POMT2: variants seen among roughly 807,000 people sequenced by gnomAD.
POMT2 encodes protein O-mannosyl-transferase 2.
In POMT2, 75 loss-of-function variants were observed where a neutral mutation model predicts 100.0. The ratio of observed to expected loss-of-function variants is 0.75; its 90% CI spans 0.62 to 0.91. The LOEUF is 0.91. POMT2 is among the 40% of genes least tolerant of loss of function. POMT2 has a pLI of 0.00. For synonymous variants in POMT2, 378 were observed against 374.1 expected, an observed-to-expected ratio of 1.01 and a Z score of -0.12; for missense variants, 940 against 955.1, an observed-to-expected ratio of 0.98 and a Z score of 0.21.
At chr14:77,307,316 CA>C (rs752666375) in intron 2 of POMT2, among the ~76,000 whole-genome samples, 5 of 152,202 alleles carry the variant, frequency 3.3e-5, no homozygotes, top group Non-Finnish European at 5.9e-5. Context: ...CTCCCAGCCA[CA>C]CTTGTGGGAC....
In POMT2 at chr14:77,285,614, T is replaced by C. The variant is rs1286416645; in HGVS notation, c.1351A>G (p.Asn451Asp). ...ACGACCTCAATCCGCCAGAAATCAT[T>C]TGAGTCCCCTGTTCCATTCTGCCAT... is the stretch of plus-strand genomic sequence containing the variant. ...GYGINGTGDS[N>D]DFWRIEVVNR... Residue 451 changes from asparagine (N) to aspartate (D), a missense_variant, in exon 13 of 21, where the codon AAT becomes GAT. Asn to Asp is a conservative substitution (Grantham distance 23). Coordinates refer to ENST00000261534, the MANE Select transcript of POMT2 (RefSeq NM_013382.7). 2 of 1,613,004 alleles carry C rather than the reference T, an allele frequency of 1.2e-6. No individual in the cohort carries two copies. Among genetic ancestry groups the C allele is most frequent in the South Asian group, 1.1e-5 (1 of 91,054 alleles).
chr14:77,308,587 C>T (rs1431578336), intron 2 of POMT2, among the ~76,000 whole-genome samples: 1 of 151,982 alleles, frequency 6.6e-6, no homozygotes, highest in African/African-American at 2.4e-5. Context: ...AACTCCTGAC[C>T]TCAGGTGATC....
At chr14:77,306,198 C>G in intron 3 of POMT2, 139 bp downstream of exon 3, 1 of 1,421,282 alleles carries the variant, frequency 7.0e-7, no homozygotes, top group East Asian at 2.6e-5. Flanking sequence ...AGGGGAGGGT[C>G]TGATCATCCT....
Position 77,277,023 on chromosome 14 carries a change from C to T in POMT2, c.*353G>A. The T allele has an allele frequency of 3.4e-6, 1 of 294,726 alleles. No individual in the cohort carries two copies. 18.3% of individuals were successfully genotyped at this position (294,726 alleles called of 1,614,324 possible). On this transcript the variant is annotated 3_prime_UTR_variant, in exon 21 of 21. Transcript: ENST00000261534. ...CTATTTTAGAGTTTATGACACTCAG[C>T]TGTCCAGTTACACGGTCTGTATTCC...
intron 9 of POMT2, among the ~76,000 whole-genome samples, chr14:77,294,817 T>C (rs775041179): frequency 2.0e-5 from 3 of 152,116 alleles, no homozygotes; most frequent in Admixed American, 1.3e-4. Context: ...CAGCATGAAA[T>C]TGCACTAATA....
rs778898705 is a variant in POMT2 at position 77,320,635 on chromosome 14, G to A, written c.47C>T (p.Pro16Leu). 1.3e-6 allele frequency: 2 copies of A among 1,592,770 alleles called. No homozygotes were observed. The highest frequency in any genetic ancestry group is 1.7e-6 in the Non-Finnish European group (2 of 1,177,484). ...GGGLAESELR[P>L]RRGRCGPQAA... The stretch of plus-strand genomic sequence containing the variant: ...CTGGGGGCCACAGCGGCCCCTCCGG[G>A]GACGCAGCTCGGACTCTGCCAGGCC... Residue 16 changes from proline to leucine, a missense_variant, in exon 1 of 21, where the codon CCC (proline) becomes CTC (leucine). Physicochemically the swap from Pro to Leu is moderately conservative, Grantham distance 98. Coordinates refer to ENST00000261534, the MANE Select transcript of POMT2 (RefSeq NM_013382.7).
At position 77,283,830 on chromosome 14, in the gene POMT2, C is replaced by T. The variant is rs886043258; in HGVS notation, c.1620G>A (p.Glu540=). 3 of 1,613,078 alleles carry T rather than the reference C, an allele frequency of 1.9e-6. No individual in the cohort carries two copies. The African/African-American group carries it at 4.0e-5, about 22-fold the overall frequency. Reference sequence around the variant, plus strand: ...TGACCATGTGGGATTCCAGCAAGATCTCAGGAAAACTGGGCTGTAGCACAT... The same window carrying T: ...TGACCATGTGGGATTCCAGCAAGATTTCAGGAAAACTGGGCTGTAGCACAT... ...SLDVLQPSFP[E]ILLESHMVMI... Residue 540 remains glutamate (E), a synonymous_variant, in exon 15 of 21, where the codon GAG becomes GAA. Coordinates refer to ENST00000261534, the MANE Select transcript of POMT2 (RefSeq NM_013382.7).
At chr14:77,288,902 T>A in intron 10 of POMT2, 71 bp from the exon 11 acceptor site, 1 of 1,278,444 alleles carries the variant, frequency 7.8e-7, no homozygotes. Flanking sequence ...GGCCTACTGG[T>A]AAACAGTTAT....
intron 2 of POMT2, 96 bp from the exon 3 acceptor site, chr14:77,306,537 G>C: frequency 1.4e-6 from 2 of 1,423,404 alleles, no homozygotes; most frequent in Non-Finnish European, 2.0e-6. Context: ...CAGACTTTGG[G>C]TTCCCTTGAC....
chr14:77,290,591 C>T (rs1890602371), intron 10 of POMT2, among the ~76,000 whole-genome samples: 1 of 152,150 alleles, frequency 6.6e-6, no homozygotes, highest in Admixed American at 6.5e-5. Context: ...ATGACAGGCT[C>T]GGAAGGTGAG....
chr14:77,278,871 T>G lies in POMT2; in HGVS notation c.1892-2A>C. ...CTCGAAGCAGGACCTGGGACAACCC[T>G]GGGCCCAAGCAGCACAGCCCAGTCA... On this transcript the variant is annotated splice_acceptor_variant, in intron 18 of 20. Transcript: ENST00000261534. LOFTEE classifies it high-confidence loss of function. The G allele has an allele frequency of 6.2e-7, 1 of 1,612,830 alleles. No homozygotes were observed. The highest frequency in any genetic ancestry group is 8.5e-7 in the Non-Finnish European group (1 of 1,179,592).
intron 14 of POMT2, chr14:77,284,146 G>C: frequency 4.3e-6 from 2 of 462,514 alleles, no homozygotes; most frequent in South Asian, 4.1e-5. Context: ...TTTTCACTGT[G>C]GTACTGGCTC....
chr14:77,304,727 G>A lies in POMT2; in HGVS notation c.512C>T (p.Ser171Leu), dbSNP rs750346960. The part of the protein sequence containing the change: ...LTVLDLSKSL[S>L]AALLTAALLT... Reference sequence around the variant, plus strand: ...GAGGGCAGCTGTGAGCAGTGCTGCCGAGAGGGACTTGGACAGATCCAGTAC... The same window carrying A: ...GAGGGCAGCTGTGAGCAGTGCTGCCAAGAGGGACTTGGACAGATCCAGTAC... Residue 171 changes from serine to leucine, a missense_variant, in exon 4 of 21, where the codon TCG becomes TTG. Physicochemically the swap from Ser to Leu is moderately radical, Grantham distance 145. Coordinates refer to ENST00000261534, the MANE Select transcript of POMT2 (RefSeq NM_013382.7). 5.9e-5 allele frequency: 94 copies of A among 1,598,424 alleles called. 3 individuals carry two copies. The highest frequency in any genetic ancestry group is 2.5e-4 in the South Asian group (22 of 87,372).
At position 77,277,373 on chromosome 14, in the gene POMT2, G is replaced by A; in HGVS notation, c.*3C>T. The A allele has an allele frequency of 6.2e-7, 1 of 1,606,804 alleles. No individual in the cohort carries two copies. The highest frequency in any genetic ancestry group is 1.1e-5 in the South Asian group (1 of 90,908). ...GACCCAGGCTGGAATCTTTGCAGTGGCCTCAAAAGTCCCATGAGTCCAGCC... is the reference window on the plus strand; with the variant it reads ...GACCCAGGCTGGAATCTTTGCAGTGACCTCAAAAGTCCCATGAGTCCAGCC... On this transcript the variant is annotated 3_prime_UTR_variant, in exon 21 of 21. Transcript: ENST00000261534.
At chr14:77,303,805 C>T (rs1167753858) in intron 4 of POMT2, among the ~76,000 whole-genome samples, 9 of 152,222 alleles carry the variant, frequency 5.9e-5, no homozygotes, top group African/African-American at 2.2e-4. Context: ...TAGGACATCA[C>T]ATGACAGACT....
At chr14:77,278,270 C>G in intron 20 of POMT2, 124 bp downstream of exon 20, 1 of 847,390 alleles carries the variant, frequency 1.2e-6, no homozygotes, top group Non-Finnish European at 1.9e-6. Context: ...GCTTGGGTGA[C>G]GCAGAACCTC....
intron 1 of POMT2, among the ~76,000 whole-genome samples, chr14:77,314,139 T>C (rs1454921494): frequency 6.6e-6 from 1 of 152,216 alleles, no homozygotes; most frequent in Non-Finnish European, 1.5e-5. Flanking sequence ...CTCCAGGCCT[T>C]GCAAGGTATG....
In POMT2 at chr14:77,280,388, CT is replaced by C; in HGVS notation, c.1725+3del. The C allele has an allele frequency of 6.2e-7, 1 of 1,614,158 alleles. No homozygotes were observed. Among genetic ancestry groups the C allele is most frequent in the South Asian group, 1.1e-5 (1 of 91,082 alleles). Reference sequence around the variant, plus strand: ...CTGGGAGGAGCCCCAGCCTTGGATCCTACCTGATAGTTGATAGGCCAGTGCC... The same window carrying C: ...CTGGGAGGAGCCCCAGCCTTGGATCCACCTGATAGTTGATAGGCCAGTGCC... On this transcript the variant is annotated splice_donor_region_variant and intron_variant, in intron 16 of 20. Transcript: ENST00000261534.
chr14:77,288,867 A>T, intron 10 of POMT2, 36 bp from the exon 11 acceptor site: 1 of 1,582,262 alleles, frequency 6.3e-7, no homozygotes, highest in Non-Finnish European at 8.7e-7. Flanking sequence ...ATCCAAAATC[A>T]CTCACCAGGC....
Sources: gnomAD v4.1 joint callset for allele counts (sites outside exome capture counted in the v4.1 genomes callset) on GRCh38, gnomAD v4.1.1 for gene constraint, MANE v1.5 for transcripts, NCBI Gene and HGNC (gene_info 2026-07-23, HGNC 2026-07-21) for gene names.